PPP2R2B: variants seen among roughly 807,000 people sequenced by gnomAD.
PPP2R2B encodes serine/threonine-protein phosphatase 2A 55 kDa regulatory subunit B beta isoform.
Under a neutral mutation model 46.0 loss-of-function variants are expected in PPP2R2B, and 5 were observed. The ratio of observed to expected loss-of-function variants is 0.11; its 90% confidence interval spans 0.06 to 0.23. PPP2R2B has a LOEUF of 0.23. Among genes scored for constraint, PPP2R2B ranks in the 10% least tolerant of loss-of-function variants. The pLI is 1.00. For missense variants in PPP2R2B, 367 were observed against 575.0 expected, an observed-to-expected ratio of 0.64 and a Z score of 3.70; for synonymous variants, 215 against 206.7, an observed-to-expected ratio of 1.04 and a Z score of -0.34.
chr5:146,709,118 T>G (rs1299896499), intron 2 of PPP2R2B, among the ~76,000 whole-genome samples: 2 of 152,250 alleles, frequency 1.3e-5, no homozygotes, highest in Non-Finnish European at 2.9e-5. Flanking sequence ...ATACTGAATA[T>G]TCTTCCTTTC....
chr5:146,629,896 C>A (rs1367769569), intron 7 of PPP2R2B, among the ~76,000 whole-genome samples: 1 of 152,162 alleles, frequency 6.6e-6, no homozygotes, highest in Non-Finnish European at 1.5e-5. Flanking sequence ...TCACTGCAAC[C>A]TCTGCCTCCC....
At chr5:146,655,336 T>C (rs1328736709) in intron 5 of PPP2R2B, among the ~76,000 whole-genome samples, 1 of 152,152 alleles carries the variant, frequency 6.6e-6, no homozygotes, top group Non-Finnish European at 1.5e-5. Flanking sequence ...CCTGGGAAGC[T>C]CTTCCCCCCC....
chr5:146,750,021 G>A (rs1753456689), intron 2 of PPP2R2B, among the ~76,000 whole-genome samples: 2 of 152,190 alleles, frequency 1.3e-5, no homozygotes, highest in Non-Finnish European at 2.9e-5. Context: ...AATTGCACCA[G>A]TGCCATTTAT....
Position 146,744,588 on chromosome 5 carries a change from T to C in PPP2R2B, c.71-43446A>G, listed in dbSNP as rs374851508. On this transcript the variant is annotated intron_variant, in intron 2 of 9. Transcript: ENST00000394411. ...CATGTGTCACCAGGGAACCATCCTG[T>C]GTGCTCCATCAGCACTGGGATATGA... Among the ~76,000 whole-genome samples the C allele has an allele frequency of 5.9e-5, 9 of 152,340 alleles. No homozygotes were observed. The South Asian group carries it at 1.9e-3, about 32-fold the overall frequency.
rs183077123 is a variant in PPP2R2B at position 146,599,805 on chromosome 5, C to G, written c.960+486G>C. Among the ~76,000 whole-genome samples the G allele has an allele frequency of 2.0e-5, 3 of 152,340 alleles. No individual in the cohort carries two copies. The South Asian group carries it at 6.2e-4, about 32-fold the overall frequency. On this transcript the variant is annotated intron_variant, in intron 8 of 9. Coordinates refer to ENST00000394411, the MANE Select transcript of PPP2R2B (RefSeq NM_181675.4). ...TAATGCTAGTCCTCCCTGAGCCCCC[C>G]ACCCTCTGACAGGCCCCGGTGTATG...
chr5:146,625,148 A>C (rs1773962813), intron 7 of PPP2R2B, among the ~76,000 whole-genome samples: 1 of 152,234 alleles, frequency 6.6e-6, no homozygotes, highest in African/African-American at 2.4e-5. Context: ...CTTTGCCTGC[A>C]AACACCAAAA....
intron 2 of PPP2R2B, among the ~76,000 whole-genome samples, chr5:146,759,233 C>A (rs1351150782): frequency 6.6e-6 from 1 of 152,172 alleles, no homozygotes; most frequent in Non-Finnish European, 1.5e-5. Context: ...AACCACCAGA[C>A]TAATAATATT....
At chr5:146,810,888 A>G (rs1318799520) in intron 2 of PPP2R2B, among the ~76,000 whole-genome samples, 4 of 71,582 alleles carry the variant, frequency 5.6e-5, no homozygotes, top group Admixed American at 1.8e-4. Context: ...CCCACCCCAC[A>G]ACAGGCCCCA....
chr5:146,828,410 C>T (rs561029200), intron 2 of PPP2R2B, among the ~76,000 whole-genome samples: 2 of 152,246 alleles, frequency 1.3e-5, no homozygotes, highest in African/African-American at 4.8e-5. Context: ...TGGTGCATTG[C>T]TTTCAGAATG....
At chr5:147,040,656 A>G in intron 1 of PPP2R2B, 1 of 405,290 alleles carries the variant, frequency 2.5e-6, no homozygotes, top group Non-Finnish European at 4.9e-6. Flanking sequence ...CAAACATGTA[A>G]CATATACCCT....
At chr5:146,855,304 C>A (rs1760589903) in intron 2 of PPP2R2B, among the ~76,000 whole-genome samples, 1 of 152,114 alleles carries the variant, frequency 6.6e-6, no homozygotes, top group African/African-American at 2.4e-5. Flanking sequence ...TATTTAAAAG[C>A]AAAACCTGCT....
At chr5:146,664,430 C>G (rs1008754750) in intron 5 of PPP2R2B, among the ~76,000 whole-genome samples, 1 of 152,134 alleles carries the variant, frequency 6.6e-6, no homozygotes, top group African/African-American at 2.4e-5. Flanking sequence ...CTTTGCTTAT[C>G]CATAAGAAGC....
Position 146,672,551 on chromosome 5 carries a change from TTTG to T in PPP2R2B, c.447+18574_447+18576del, listed in dbSNP as rs1777438190. ...AAAGACACATAAAGGGTAAGCAGAC[TTTG>T]TTCGCATGTACCAGATTAAAGTTAC... On this transcript the variant is annotated intron_variant, in intron 5 of 9. Transcript: ENST00000394411. Among the ~76,000 whole-genome samples, 3 of 152,282 alleles carry T rather than the reference TTTG, an allele frequency of 2.0e-5. No homozygotes were observed. In the South Asian group the frequency reaches 6.2e-4, roughly 32 times the overall value.
intron 2 of PPP2R2B, among the ~76,000 whole-genome samples, chr5:146,780,242 A>G (rs1388563930): frequency 6.6e-6 from 1 of 152,228 alleles, no homozygotes; most frequent in African/African-American, 2.4e-5. Flanking sequence ...TGTTTAATAA[A>G]TATCTGTTGA....
intron 2 of PPP2R2B, among the ~76,000 whole-genome samples, chr5:146,708,590 G>T (rs929193200): frequency 6.6e-6 from 1 of 152,100 alleles, no homozygotes; most frequent in Non-Finnish European, 1.5e-5. Context: ...TCTTCCAAAA[G>T]AAGTAAAATT....
chr5:146,681,935 T>C (rs1446269385), intron 5 of PPP2R2B, among the ~76,000 whole-genome samples: 3 of 151,070 alleles, frequency 2.0e-5, no homozygotes, highest in African/African-American at 7.3e-5. Flanking sequence ...TTCTTTTCTT[T>C]TTCTGACACT....
At chr5:146,871,969 A>G (rs1761639427) in intron 2 of PPP2R2B, among the ~76,000 whole-genome samples, 1 of 152,222 alleles carries the variant, frequency 6.6e-6, no homozygotes, top group African/African-American at 2.4e-5. Flanking sequence ...AAATGCCTGG[A>G]ATAGACAGTA....
chr5:146,980,230 C>G (rs1753105051), intron 1 of PPP2R2B, among the ~76,000 whole-genome samples: 2 of 152,072 alleles, frequency 1.3e-5, no homozygotes, highest in African/African-American at 4.8e-5. Context: ...TTCCACATCT[C>G]CCAACTAGAT....
chr5:146,804,750 G>T (rs1348866239), intron 2 of PPP2R2B, among the ~76,000 whole-genome samples: 1 of 152,064 alleles, frequency 6.6e-6, no homozygotes. Context: ...CTGGTAAACA[G>T]AATAATTGCA....
Sources: gnomAD v4.1 joint callset for allele counts (sites outside exome capture counted in the v4.1 genomes callset) on GRCh38, gnomAD v4.1.1 for gene constraint, MANE v1.5 for transcripts, NCBI Gene and HGNC (gene_info 2026-07-23, HGNC 2026-07-21) for gene names.